The following DCC variants were observed in gnomAD, a reference collection of about 807,000 sequenced individuals.
DCC encodes DCC netrin 1 receptor, also known as netrin receptor DCC.
Under a neutral mutation model 172.5 loss-of-function variants are expected in DCC, and 58 were observed. That is an observed-to-expected ratio of 0.34 (90% CI 0.27 to 0.42). The LOEUF (loss-of-function observed/expected upper bound fraction) is 0.42, where lower values mean the gene tolerates loss of function less well. Among genes scored for constraint, DCC ranks in the 10% least tolerant of loss-of-function variants. The pLI is 1.00. For synonymous variants in DCC, 709 were observed against 644.5 expected (o/e 1.10, Z -1.52); for missense variants, 1,740 against 1,791.0 (o/e 0.97, Z 0.51).
chr18:53,403,201 C>A (rs62100022), intron 19 of DCC, among the ~76,000 whole-genome samples: 100,552 of 151,764 alleles, frequency 0.66, 36,566 homozygotes, highest in Non-Finnish European at 0.82. Context: ...GCATTAAGAC[C>A]ACTTTCTAAT....
chr18:53,151,736 A>G, intron 7 of DCC, among the ~76,000 whole-genome samples: 1 of 152,186 alleles, frequency 6.6e-6, no homozygotes, highest in Non-Finnish European at 1.5e-5. Flanking sequence ...ACTATTTTAT[A>G]AAATCTACAT....
intron 1 of DCC, among the ~76,000 whole-genome samples, chr18:52,552,337 C>T (rs1301734293): frequency 6.6e-6 from 1 of 151,972 alleles, no homozygotes; most frequent in Non-Finnish European, 1.5e-5. Context: ...TATGTGATTT[C>T]CGGTACCATT....
intron 21 of DCC, among the ~76,000 whole-genome samples, chr18:53,433,104 A>G (rs1011331293): frequency 2.0e-5 from 3 of 152,054 alleles, no homozygotes; most frequent in Non-Finnish European, 2.9e-5. Context: ...AATATACTAG[A>G]TTCTGTGAGT....
chr18:53,398,509 C>T (rs899283975), intron 18 of DCC, among the ~76,000 whole-genome samples: 4 of 152,058 alleles, frequency 2.6e-5, no homozygotes, highest in African/African-American at 4.8e-5. Flanking sequence ...GGATGAGATA[C>T]ATACTATTGG....
chr18:53,441,208 AAAAT>A (rs952000019), intron 22 of DCC, among the ~76,000 whole-genome samples: 18 of 152,168 alleles, frequency 1.2e-4, no homozygotes, highest in African/African-American at 4.1e-4. Flanking sequence ...AAGCTCTGAG[AAAAT>A]AAATAAATCA....
At chr18:52,968,266 G>A (rs1007103157) in intron 5 of DCC, among the ~76,000 whole-genome samples, 2 of 152,012 alleles carry the variant, frequency 1.3e-5, no homozygotes, top group African/African-American at 4.8e-5. Context: ...CTCTGAGGAG[G>A]GTGACCAGGC....
intron 24 of DCC, among the ~76,000 whole-genome samples, chr18:53,463,803 C>A (rs1290733622): frequency 6.6e-6 from 1 of 152,104 alleles, no homozygotes; most frequent in Non-Finnish European, 1.5e-5. Context: ...AAGTACTTTT[C>A]TTGTTTTGCG....
intron 5 of DCC, among the ~76,000 whole-genome samples, chr18:53,006,083 C>G (rs1036096281): frequency 1.3e-5 from 2 of 152,138 alleles, no homozygotes; most frequent in Non-Finnish European, 2.9e-5. Context: ...TTTTTGCAGT[C>G]CACATATATG....
chr18:53,234,081 T>G (rs2056163395), intron 12 of DCC, among the ~76,000 whole-genome samples: 1 of 152,046 alleles, frequency 6.6e-6, no homozygotes, highest in African/African-American at 2.4e-5. Flanking sequence ...AGAAACACCA[T>G]CTCTACTAAA....
At chr18:52,483,020 C>G (rs1414677020) in intron 1 of DCC, among the ~76,000 whole-genome samples, 3 of 152,088 alleles carry the variant, frequency 2.0e-5, no homozygotes, top group Non-Finnish European at 2.9e-5. Context: ...CTCGAAGGCT[C>G]CTGGGATAAT....
At chr18:52,541,726 A>G (rs1228602987) in intron 1 of DCC, among the ~76,000 whole-genome samples, 1 of 151,892 alleles carries the variant, frequency 6.6e-6, no homozygotes, top group African/African-American at 2.4e-5. Flanking sequence ...TTCTTGTTAA[A>G]TGGTGTCAGT....
At chr18:53,407,860 A>C (rs1427953380) in intron 19 of DCC, among the ~76,000 whole-genome samples, 2 of 152,062 alleles carry the variant, frequency 1.3e-5, no homozygotes, top group Non-Finnish European at 2.9e-5. Flanking sequence ...GGGCTGAATT[A>C]CAAAGGGATG....
chr18:53,396,854 A>C (rs981896083), intron 17 of DCC, among the ~76,000 whole-genome samples: 7 of 152,166 alleles, frequency 4.6e-5, no homozygotes, highest in African/African-American at 1.7e-4. Context: ...TCAATGCAGA[A>C]AATTTCAAAA....
intron 1 of DCC, among the ~76,000 whole-genome samples, chr18:52,630,411 G>A (rs1185982785): frequency 7.9e-5 from 12 of 152,184 alleles, no homozygotes; most frequent in Admixed American, 6.5e-4. Flanking sequence ...GCTATCTTAA[G>A]CATCTGACTT....
Position 53,023,401 on chromosome 18 carries a change from C to CAAAAA in DCC, c.986-39880_986-39876dup, listed in dbSNP as rs869070422. On this transcript the variant is annotated intron_variant, in intron 5 of 28. Coordinates refer to ENST00000442544, the MANE Select transcript of DCC (RefSeq NM_005215.4). ...GGACAAACACATATATAACTCAGAC[C>CAAAAA]AAAAAAAAAAAAAAAAAAAAAAAAA... Among the ~76,000 whole-genome samples the CAAAAA allele has an allele frequency of 3.5e-3, 85 of 24,418 alleles. 27 individuals are homozygous for CAAAAA. The highest frequency in any genetic ancestry group is 0.012 in the East Asian group (6 of 502). The allele number at this position is 24,418 out of a possible 152,430, so 16.0% of individuals were successfully genotyped here.
rs116646840 is a variant in DCC, at chr18:52,697,589, A to G, written c.92-54465A>G. ...CTAAAAATGGAATATGTAAAACCCA[A>G]TAGTACATACAGAGGCATATCCAGA... On this transcript the variant is annotated intron_variant, in intron 1 of 28. Coordinates refer to ENST00000442544, the MANE Select transcript of DCC (RefSeq NM_005215.4). Among the ~76,000 whole-genome samples the G allele has an allele frequency of 4.5e-3, 687 of 152,354 alleles. 8 individuals carry two copies. The highest frequency in any genetic ancestry group is 0.014 in the African/African-American group (593 of 41,586).
At chr18:53,365,105 G>T (rs547756511) in intron 15 of DCC, among the ~76,000 whole-genome samples, 4 of 150,128 alleles carry the variant, frequency 2.7e-5, no homozygotes, top group Admixed American at 6.7e-5. Flanking sequence ...GCCCTGGTGT[G>T]CGATGTCCCC....
chr18:53,233,445 A>C lies in DCC; in HGVS notation c.1911+17848A>C, dbSNP rs1027709665. 1.7e-4 allele frequency among the ~76,000 whole-genome samples: 26 copies of C among 152,216 alleles called. 1 individual carries two copies. The highest frequency in any genetic ancestry group is 4.4e-5 in the Non-Finnish European group (3 of 68,034). On this transcript the variant is annotated intron_variant, in intron 12 of 28. Coordinates refer to ENST00000442544, the MANE Select transcript of DCC (RefSeq NM_005215.4). Reference sequence around the variant, plus strand: ...AAGAAACAGTTTTCAGTCTTTCTATACACTTTTTCCCTAGAATATTTGAAG... The same window carrying C: ...AAGAAACAGTTTTCAGTCTTTCTATCCACTTTTTCCCTAGAATATTTGAAG...
chr18:52,539,676 A>G (rs2032384562), intron 1 of DCC, among the ~76,000 whole-genome samples: 1 of 152,158 alleles, frequency 6.6e-6, no homozygotes, highest in Admixed American at 6.5e-5. Flanking sequence ...TCTGGTACCA[A>G]TTATATTTGG....
Sources: gnomAD v4.1 joint callset for allele counts (sites outside exome capture counted in the v4.1 genomes callset) on GRCh38, gnomAD v4.1.1 for gene constraint, MANE v1.5 for transcripts, NCBI Gene and HGNC (gene_info 2026-07-23, HGNC 2026-07-21) for gene names.